IQCN: variants seen among roughly 807,000 people sequenced by gnomAD.
The protein encoded by IQCN is IQ motif containing N.
A neutral mutation model predicts 64.4 loss-of-function variants in IQCN; 46 were observed. That is an observed-to-expected ratio of 0.71 (90% confidence interval 0.56 to 0.91). IQCN has a LOEUF of 0.91. Ranked by LOEUF, IQCN falls within the 40% of genes least tolerant of loss-of-function variation. The pLI is 0.00. For synonymous variants in IQCN, 733 were observed against 775.6 expected (o/e 0.95, Z 0.91); for missense variants, 1,753 against 1,857.4 (o/e 0.94, Z 1.03).
chr19:18,272,470 A>G (rs1462460725), intron 1 of IQCN, among the ~76,000 whole-genome samples: 1 of 151,776 alleles, frequency 6.6e-6, no homozygotes, highest in African/African-American at 2.4e-5. Flanking sequence ...GGCTGCAGAA[A>G]GGTTTTCACC....
chr19:18,265,080 T>G lies in IQCN; in HGVS notation c.2460A>C (p.Gly820=). Residue 820 remains glycine (G), a synonymous_variant, in exon 3 of 4, where the codon GGA becomes GGC. Coordinates refer to ENST00000392413, the MANE Select transcript of IQCN (RefSeq NM_001145304.2). This position sits in a 1 kb window ranked among gnomAD's most constrained non-coding sequence, Gnocchi z 4.7. ...GHVPGKTTQG[G]PCPAACEVQG... ...GGACCTCACAGGCTGCCGGGCATGGTCCCCCCTGAGTGGTCTTCCCCGGCA... is the reference window on the plus strand; with the variant it reads ...GGACCTCACAGGCTGCCGGGCATGGGCCCCCCTGAGTGGTCTTCCCCGGCA... 1 of 1,601,498 alleles carries G rather than the reference T, an allele frequency of 6.2e-7. No homozygotes were observed. Among genetic ancestry groups the G allele is most frequent in the Non-Finnish European group, 8.5e-7 (1 of 1,179,798 alleles).
At chr19:18,259,873 C>T (rs897371411) in intron 3 of IQCN, 3 of 152,300 alleles carry the variant, frequency 2.0e-5, no homozygotes, top group African/African-American at 4.8e-5. Context: ...GTCAAAGGGC[C>T]ACCTGCCTCT....
intron 3 of IQCN, among the ~76,000 whole-genome samples, chr19:18,263,180 C>A (rs750706283): frequency 3.3e-5 from 5 of 152,208 alleles, no homozygotes; most frequent in Non-Finnish European, 7.3e-5. Flanking sequence ...CCGCAAGGTC[C>A]CCTTCTAAAC....
chr19:18,264,712 C>T lies in IQCN; in HGVS notation c.2828G>A (p.Trp943Ter), dbSNP rs1419834192. The T allele has an allele frequency of 3.9e-6, 6 of 1,551,070 alleles. No individual in the cohort carries two copies. The Admixed American group carries it at 9.8e-5, about 25-fold the overall frequency. Reference sequence around the variant, plus strand: ...GGACAGGGTCAGGCGCAGCTCACTCCAGGACAGCGCCTTCACCAGCGCCAT... The same window carrying T: ...GGACAGGGTCAGGCGCAGCTCACTCTAGGACAGCGCCTTCACCAGCGCCAT... ...LSMALVKALS[W>*]SELRLTLSRA... The change falls in exon 3 of 4, where the codon TGG becomes TAG. Residue 943 changes from tryptophan to a stop codon, truncating the protein, a stop_gained. Coordinates refer to ENST00000392413, the MANE Select transcript of IQCN (RefSeq NM_001145304.2). LOFTEE classifies it high-confidence loss of function. The surrounding 1 kb of genome is among the most constrained non-coding windows in gnomAD (Gnocchi z 4.3).
chr19:18,271,228 G>A (rs1329363389), intron 1 of IQCN, among the ~76,000 whole-genome samples: 1 of 149,896 alleles, frequency 6.7e-6, no homozygotes, highest in Non-Finnish European at 1.5e-5. Context: ...CCAGTGCTTT[G>A]GGAGGCCGAG....
Position 18,257,695 on chromosome 19 carries a change from G to C in IQCN, c.3589C>G (p.Arg1197Gly), listed in dbSNP as rs768504480. The C allele has an allele frequency of 1.2e-6, 2 of 1,604,078 alleles. No individual in the cohort carries two copies. Among genetic ancestry groups the C allele is most frequent in the Non-Finnish European group, 1.7e-6 (2 of 1,174,160 alleles). The change falls in exon 4 of 4, where the codon CGG becomes GGG. Residue 1197 changes from arginine (R) to glycine (G), a missense_variant. Transcript: ENST00000392413. Reference protein sequence around the residue: ...HPVTWVELGSRAGVMSDRSWF... With the variant: ...HPVTWVELGSGAGVMSDRSWF... The stretch of plus-strand genomic sequence containing the variant: ...CTTCGGTCAGACATGACCCCGGCCC[G>C]GCTGCCCAGCTCCACCCACGTGACG...
At chr19:18,261,230 C>G (rs1178926433) in intron 3 of IQCN, 1 of 152,548 alleles carries the variant, frequency 6.6e-6, no homozygotes, top group Non-Finnish European at 1.5e-5. Context: ...TTGGGGACAC[C>G]CCAGTGGCCT....
At position 18,264,945 on chromosome 19, in the gene IQCN, C is replaced by A. The variant is rs751427933; in HGVS notation, c.2595G>T (p.Ala865=). 5.6e-6 allele frequency: 9 copies of A among 1,611,684 alleles called. No individual in the cohort carries two copies. The Admixed American group carries it at 1.5e-4, about 27-fold the overall frequency. Reference sequence around the variant, plus strand: ...CTACCGTGTCCTCCTGGCAGGGCACCGCCTGGCCGGGCATTGATGGCTGGG... The same window carrying A: ...CTACCGTGTCCTCCTGGCAGGGCACAGCCTGGCCGGGCATTGATGGCTGGG... The part of the protein sequence containing the change: ...TRAQPSMPGQ[A]VPCQEDTVGS... The change falls in exon 3 of 4, where the codon GCG becomes GCT. Residue 865 remains alanine (A), a synonymous_variant. Transcript: ENST00000392413. The surrounding 1 kb of genome is among the most constrained non-coding windows in gnomAD (Gnocchi z 4.3).
In IQCN at chr19:18,257,991, C is replaced by G. The variant is rs764350386; in HGVS notation, c.3293G>C (p.Arg1098Pro). The G allele has an allele frequency of 1.2e-6, 2 of 1,612,586 alleles. No individual in the cohort carries two copies. Among genetic ancestry groups the G allele is most frequent in the Non-Finnish European group, 1.7e-6 (2 of 1,179,764 alleles). Residue 1098 changes from arginine (R) to proline (P), a missense_variant, in exon 4 of 4, where the codon CGG becomes CCG. Physicochemically the swap from Arg to Pro is moderately radical, Grantham distance 103. Coordinates refer to ENST00000392413, the MANE Select transcript of IQCN (RefSeq NM_001145304.2). ...CATGGACACCATTGGCTCCCCGGAC[C>G]GCCTGGGAGGCACCACCGCCTTGTT... ...WRNKAVVPPR[R>P]SGEPMVSMQA...
chr19:18,271,793 G>A (rs12460547), intron 1 of IQCN, among the ~76,000 whole-genome samples: 33,294 of 151,896 alleles, frequency 0.22, 4,451 homozygotes, highest in Admixed American at 0.33. Context: ...GGCTCTGTTC[G>A]TTTATTATCA....
intron 1 of IQCN, among the ~76,000 whole-genome samples, chr19:18,273,322 A>G (rs1188971825): frequency 3.4e-5 from 5 of 148,914 alleles, no homozygotes; most frequent in Admixed American, 2.7e-4. Flanking sequence ...ATGAGTCACC[A>G]TGCCCGGCCT....
At position 18,266,314 on chromosome 19, in the gene IQCN, G is replaced by A. The variant is rs1271781168; in HGVS notation, c.1226C>T (p.Ala409Val). The A allele has an allele frequency of 1.2e-6, 2 of 1,613,620 alleles. No homozygotes were observed. The highest frequency in any genetic ancestry group is 1.1e-5 in the South Asian group (1 of 90,984). Residue 409 changes from alanine to valine, a missense_variant, in exon 3 of 4, where the codon GCC becomes GTC. By Grantham distance (64) the Ala-to-Val change is moderately conservative (BLOSUM62 0). Transcript: ENST00000392413. The surrounding 1 kb of genome is among the most constrained non-coding windows in gnomAD (Gnocchi z 4.3). ...TMTKIQVHPT[A>V]SRTGTPRQTC... Reference sequence around the variant, plus strand: ...CTGCCGTGGGGTGCCAGTTCTGGAGGCTGTGGGGTGTACCTGGATCTTGGT... The same window carrying A: ...CTGCCGTGGGGTGCCAGTTCTGGAGACTGTGGGGTGTACCTGGATCTTGGT...
chr19:18,266,220 G>T lies in IQCN; in HGVS notation c.1320C>A (p.Ser440Arg). 6.2e-7 allele frequency: 1 copy of T among 1,614,074 alleles called. No individual in the cohort carries two copies. Among genetic ancestry groups the T allele is most frequent in the Non-Finnish European group, 8.5e-7 (1 of 1,179,990 alleles). ...QVSLLASIMK[S>R]LPQVCPGPAM... ...CAGGCCCCGGGCATACCTGGGGCAG[G>T]CTCTTCATGATGGAAGCCAGAAGGG... is the stretch of plus-strand genomic sequence containing the variant. The change falls in exon 3 of 4, where the codon AGC (serine) becomes AGA (arginine). Residue 440 changes from serine (S) to arginine (R), a missense_variant. By Grantham distance (110) the Ser-to-Arg change is moderately radical. Coordinates refer to ENST00000392413, the MANE Select transcript of IQCN (RefSeq NM_001145304.2). This position sits in a 1 kb window ranked among gnomAD's most constrained non-coding sequence, Gnocchi z 4.3.
intron 3 of IQCN, chr19:18,259,981 G>C (rs1437296159): frequency 1.3e-5 from 2 of 152,530 alleles, no homozygotes; most frequent in Admixed American, 1.3e-4. Flanking sequence ...TTCCCAGCTA[G>C]GCCAGGAGAT....
Position 18,264,412 on chromosome 19 carries a change from GAT to G in IQCN, c.3126_3127del (p.Ser1043GlyfsTer160). ...GCCCAGGGAGGGCCCCCATGCGGCCGATGGACTCCTCCTGCAGGCCACCTTCA... is the reference window on the plus strand; with the variant it reads ...GCCCAGGGAGGGCCCCCATGCGGCCGGGACTCCTCCTGCAGGCCACCTTCA... On this transcript the variant is annotated frameshift_variant, in exon 3 of 4. Transcript: ENST00000392413. LOFTEE classifies it low-confidence loss of function (END_TRUNC). The surrounding 1 kb of genome is among the most constrained non-coding windows in gnomAD (Gnocchi z 4.3). 1 of 1,540,044 alleles carries G rather than the reference GAT, an allele frequency of 6.5e-7. No individual in the cohort carries two copies. The highest frequency in any genetic ancestry group is 1.2e-5 in the South Asian group (1 of 82,700).
chr19:18,265,646 G>A lies in IQCN; in HGVS notation c.1894C>T (p.Pro632Ser). The change falls in exon 3 of 4, where the codon CCA becomes TCA. Residue 632 changes from proline (P) to serine (S), a missense_variant. Transcript: ENST00000392413. The surrounding 1 kb of genome is among the most constrained non-coding windows in gnomAD (Gnocchi z 4.7). ...TCCTCAGCAACTTTTGTCCAGGATG[G>A]AGCCCCAGCCATTTCCACTGCCACA... is the stretch of plus-strand genomic sequence containing the variant. ...TSVAVEMAGA[P>S]SWTKVAEEGD... The A allele has an allele frequency of 1.2e-6, 2 of 1,614,086 alleles. No homozygotes were observed. The highest frequency in any genetic ancestry group is 1.7e-6 in the Non-Finnish European group (2 of 1,180,032).
In IQCN at chr19:18,266,067, G is replaced by A. The variant is rs1969572590; in HGVS notation, c.1473C>T (p.Pro491=). ...SQRSPVGVTK[P]SPQTRLPAMI... ...TGGCTGGCAGGCGGGTCTGGGGTGA[G>A]GGCTTGGTCACCCCAACTGGGCTCC... The change falls in exon 3 of 4, where the codon CCC becomes CCT. Residue 491 remains proline (P), a synonymous_variant. Transcript: ENST00000392413. The surrounding 1 kb of genome is among the most constrained non-coding windows in gnomAD (Gnocchi z 4.3). 1 of 1,614,106 alleles carries A rather than the reference G, an allele frequency of 6.2e-7. No individual in the cohort carries two copies.
At position 18,264,634 on chromosome 19, in the gene IQCN, C is replaced by T. The variant is rs1190244930; in HGVS notation, c.2906G>A (p.Gly969Asp). ...LRAELTKVMQ[G>D]KLAEVLSKAL... ...CTTGCTAAGCACCTCGGCCAATTTACCCTGCATGACCTTGGTGAGTTCCGC... is the reference window on the plus strand; with the variant it reads ...CTTGCTAAGCACCTCGGCCAATTTATCCTGCATGACCTTGGTGAGTTCCGC... The change falls in exon 3 of 4, where the codon GGT becomes GAT. Residue 969 changes from glycine (G) to aspartate (D), a missense_variant. By Grantham distance (94) the Gly-to-Asp change is moderately conservative. Coordinates refer to ENST00000392413, the MANE Select transcript of IQCN (RefSeq NM_001145304.2). This position sits in a 1 kb window ranked among gnomAD's most constrained non-coding sequence, Gnocchi z 4.3. 1.9e-6 allele frequency: 3 copies of T among 1,551,298 alleles called. No individual in the cohort carries two copies. Among genetic ancestry groups the T allele is most frequent in the East Asian group, 2.4e-5 (1 of 40,904 alleles).
intron 1 of IQCN, 36 bp from the exon 2 acceptor site, chr19:18,269,623 G>T: frequency 2.0e-6 from 1 of 496,036 alleles, no homozygotes; most frequent in Non-Finnish European, 3.3e-6. Flanking sequence ...AATGTTAAAA[G>T]CAAAAATGCT....
Sources: gnomAD v4.1 joint callset for allele counts (sites outside exome capture counted in the v4.1 genomes callset) on GRCh38, gnomAD v4.1.1 for gene constraint, Gnocchi (gnomAD v3.1) non-coding constraint, MANE v1.5 for transcripts, NCBI Gene and HGNC (gene_info 2026-07-23, HGNC 2026-07-21) for gene names.